ARHGAP39: variants seen among roughly 807,000 people sequenced by gnomAD.
The protein encoded by ARHGAP39 is rho GTPase-activating protein 39.
A neutral mutation model predicts 106.9 loss-of-function variants in ARHGAP39; 44 were observed. That is an observed-to-expected ratio of 0.41 (90% CI 0.32 to 0.53). The LOEUF (loss-of-function observed/expected upper bound fraction) is 0.53. Among genes scored for constraint, ARHGAP39 ranks in the 20% least tolerant of loss-of-function variants. ARHGAP39 has a pLI of 0.21. For missense variants in ARHGAP39, 1,496 were observed against 1,577.3 expected, an observed-to-expected ratio of 0.95 and a Z score of 0.87; for synonymous variants, 768 against 693.2, an observed-to-expected ratio of 1.11 and a Z score of -1.69.
chr8:144,559,688 C>G (rs193014080), intron 3 of ARHGAP39, among the ~76,000 whole-genome samples: 1 of 152,072 alleles, frequency 6.6e-6, no homozygotes, highest in Non-Finnish European at 1.5e-5. Flanking sequence ...TGCTTGGGAT[C>G]GGAAGAGTTT....
chr8:144,667,514 G>A (rs1407796843), intron 1 of ARHGAP39, among the ~76,000 whole-genome samples: 2 of 152,234 alleles, frequency 1.3e-5, no homozygotes, highest in Non-Finnish European at 2.9e-5. Flanking sequence ...AGCTCCAAGA[G>A]AGCAGGGGCT....
intron 6 of ARHGAP39, among the ~76,000 whole-genome samples, chr8:144,538,759 T>C (rs2130826591): frequency 6.6e-6 from 1 of 152,184 alleles, no homozygotes; most frequent in South Asian, 2.1e-4. Context: ...TTGGTAGAGA[T>C]GGGGTTTCAC....
chr8:144,633,068 G>A (rs1469454802), intron 1 of ARHGAP39, among the ~76,000 whole-genome samples: 1 of 152,144 alleles, frequency 6.6e-6, no homozygotes, highest in African/African-American at 2.4e-5. Flanking sequence ...CCTGAGCCTG[G>A]GGAGGTGGAG....
intron 1 of ARHGAP39, among the ~76,000 whole-genome samples, chr8:144,653,546 C>T (rs567278875): frequency 1.3e-4 from 20 of 152,272 alleles, no homozygotes; most frequent in Non-Finnish European, 1.9e-4. Flanking sequence ...CGGAGAACCC[C>T]CACAAACACT....
At chr8:144,618,501 A>T (rs951264775) in intron 1 of ARHGAP39, among the ~76,000 whole-genome samples, 1 of 152,250 alleles carries the variant, frequency 6.6e-6, no homozygotes, top group African/African-American at 2.4e-5. Flanking sequence ...TGTCCACCAG[A>T]ATGCTGTACC....
intron 3 of ARHGAP39, among the ~76,000 whole-genome samples, chr8:144,570,223 A>AAAAC (rs750637456): frequency 6.6e-6 from 1 of 152,236 alleles, no homozygotes; most frequent in Non-Finnish European, 1.5e-5. Context: ...TTCTGTCTCA[A>AAAAC]AAACAAACAA....
At chr8:144,561,060 T>C (rs764408550) in intron 3 of ARHGAP39, among the ~76,000 whole-genome samples, 4 of 152,266 alleles carry the variant, frequency 2.6e-5, no homozygotes, top group Non-Finnish European at 5.9e-5. Context: ...ATTAGCCTTT[T>C]GGCAAGAGCA....
In ARHGAP39 at chr8:144,586,001, CAG is replaced by C. The variant is rs1819173191; in HGVS notation, c.81-4726_81-4725del. On this transcript the variant is annotated intron_variant, in intron 2 of 11. Coordinates refer to ENST00000377307, the MANE Select transcript of ARHGAP39 (RefSeq NM_025251.3). This position sits in a 1 kb window ranked among gnomAD's most constrained non-coding sequence, Gnocchi z 4.2. ...CAGGGTAGTTTTTTAGTTTTGGAGA[CAG>C]AGTCTTGCTCTGTCACCCAGGCTGG... Among the ~76,000 whole-genome samples the C allele has an allele frequency of 6.6e-6, 1 of 152,264 alleles. No individual in the cohort carries two copies. The highest frequency in any genetic ancestry group is 1.9e-4 in the East Asian group (1 of 5,176).
chr8:144,547,756 T>C lies in ARHGAP39; in HGVS notation c.1330A>G (p.Lys444Glu). 1 of 1,599,032 alleles carries C rather than the reference T, an allele frequency of 6.3e-7. No homozygotes were observed. The highest frequency in any genetic ancestry group is 2.2e-5 in the East Asian group (1 of 44,646). The change falls in exon 5 of 12, where the codon AAG becomes GAG. Residue 444 changes from lysine to glutamate, a missense_variant. Physicochemically the swap from Lys to Glu is moderately conservative, Grantham distance 56 (BLOSUM62 1). This residue lies in a region of ARHGAP39 where 905 missense variants were observed against 816.4 expected (regional missense o/e 1.11). Coordinates refer to ENST00000377307, the MANE Select transcript of ARHGAP39 (RefSeq NM_025251.3). This position sits in a 1 kb window ranked among gnomAD's most constrained non-coding sequence, Gnocchi z 5.2. ...CLLRDQRLGV[K>E]SGDYSTMEGP... Reference sequence around the variant, plus strand: ...TCCATGGTGCTGTAGTCTCCGGACTTGACGCCCAGGCGCTGGTCCCTCAGC... The same window carrying C: ...TCCATGGTGCTGTAGTCTCCGGACTCGACGCCCAGGCGCTGGTCCCTCAGC...
intron 1 of ARHGAP39, chr8:144,683,423 CT>C (rs1391233229): frequency 6.7e-6 from 1 of 149,780 alleles, no homozygotes; most frequent in East Asian, 2.0e-4. Context: ...TCTTGGCTCA[CT>C]GCAAGCTCCG....
At chr8:144,688,272 T>G (rs1475569857), upstream of ARHGAP39, among the ~76,000 whole-genome samples, 1 of 151,956 alleles carries the variant, frequency 6.6e-6, no homozygotes, top group Non-Finnish European at 1.5e-5. Flanking sequence ...CCTGGCTAAT[T>G]TTTTGTATTT....
chr8:144,533,180 C>T lies in ARHGAP39; in HGVS notation c.2834G>A (p.Arg945Gln), dbSNP rs756358495. Residue 945 changes from arginine to glutamine, a missense_variant, in exon 9 of 12, where the codon CGG becomes CAG. Coordinates refer to ENST00000377307, the MANE Select transcript of ARHGAP39 (RefSeq NM_025251.3). ...PERQLPWVQT[R>Q]LSEEVLALNG... ...GAGCGCCAGCACCTCCTCAGAGAGC[C>T]GTGTCTGCACCCAGGGCAGCTGGCG... 7.4e-6 allele frequency: 12 copies of T among 1,611,528 alleles called. No homozygotes were observed. Among genetic ancestry groups the T allele is most frequent in the South Asian group, 4.4e-5 (4 of 91,086 alleles).
intron 1 of ARHGAP39, among the ~76,000 whole-genome samples, chr8:144,664,814 A>C (rs1484221995): frequency 6.6e-6 from 1 of 152,210 alleles, no homozygotes; most frequent in Non-Finnish European, 1.5e-5. Flanking sequence ...CTGTAAGTCC[A>C]ATTAAACTTC....
chr8:144,576,728 G>C (rs555601367), intron 3 of ARHGAP39, among the ~76,000 whole-genome samples: 118 of 152,352 alleles, frequency 7.7e-4, no homozygotes, highest in African/African-American at 2.5e-3. Context: ...GTGAGAGGAA[G>C]CCGGAGGTTC....
chr8:144,666,897 G>A (rs1586647110), intron 1 of ARHGAP39, among the ~76,000 whole-genome samples: 1 of 152,156 alleles, frequency 6.6e-6, no homozygotes, highest in South Asian at 2.1e-4. Context: ...TGAAAAAGAG[G>A]AAGATAAAAT....
intron 8 of ARHGAP39, 127 bp from the exon 9 acceptor site, chr8:144,533,452 G>T: frequency 1.1e-6 from 1 of 949,538 alleles, no homozygotes; most frequent in South Asian, 1.6e-5. Flanking sequence ...CACACACCTG[G>T]GTCCGAGTGT....
At chr8:144,693,680 C>G in the ARHGAP39 span, among the ~76,000 whole-genome samples, 1 of 152,104 alleles carries the variant, frequency 6.6e-6, no homozygotes, top group African/African-American at 2.4e-5. Flanking sequence ...GCCGCCTGGC[C>G]GTAAAATTCT....
the ARHGAP39 span, among the ~76,000 whole-genome samples, chr8:144,693,266 T>C: frequency 1.3e-5 from 2 of 151,220 alleles, no homozygotes; most frequent in Non-Finnish European, 2.9e-5. Flanking sequence ...GGTTTCGCCA[T>C]GTTGGCCAGG....
chr8:144,699,362 G>A, the ARHGAP39 span, among the ~76,000 whole-genome samples: 40 of 86,158 alleles, frequency 4.6e-4, no homozygotes, highest in Non-Finnish European at 8.3e-4. Context: ...CTGTGGGGTG[G>A]GGTGCTGTGG....
Sources: allele counts gnomAD v4.1 joint callset (sites outside exome capture counted in the v4.1 genomes callset), GRCh38; gene constraint gnomAD v4.1.1; regional missense constraint gnomAD v4.1.1; non-coding constraint Gnocchi (gnomAD v3.1); transcripts MANE v1.5; gene names NCBI Gene and HGNC (gene_info 2026-07-23, HGNC 2026-07-21).